The following POU2F3 variants were observed in gnomAD, a reference collection of about 807,000 sequenced individuals.
POU2F3 encodes the protein POU class 2 homeobox 3.
In POU2F3, 23 loss-of-function variants were observed where a neutral mutation model predicts 59.2. The observed-to-expected ratio is 0.39, with a 90% CI of 0.28 to 0.55. POU2F3 has a LOEUF of 0.55. POU2F3 is among the 20% of genes least tolerant of loss of function. The probability of loss-of-function intolerance (pLI) is 0.66; values close to 1 mark genes in which losing one functional copy is unlikely to be tolerated. For missense variants in POU2F3, 473 were observed against 544.5 expected (o/e 0.87, Z 1.31); for synonymous variants, 190 against 214.6 (o/e 0.89, Z 1.00).
At chr11:120,304,621 A>G (rs1301865091) in intron 6 of POU2F3, among the ~76,000 whole-genome samples, 1 of 152,020 alleles carries the variant, frequency 6.6e-6, no homozygotes, top group Admixed American at 6.6e-5. Flanking sequence ...ACAAAAAACA[A>G]AAAAACAAAG....
intron 2 of POU2F3, among the ~76,000 whole-genome samples, chr11:120,250,704 G>A (rs771459084): frequency 3.3e-5 from 5 of 152,148 alleles, no homozygotes; most frequent in African/African-American, 4.8e-5. Flanking sequence ...GTCTGGGCGC[G>A]GTGGCTCATG....
intron 10 of POU2F3, among the ~76,000 whole-genome samples, chr11:120,313,907 G>A (rs576261359): frequency 2.0e-5 from 3 of 152,066 alleles, no homozygotes; most frequent in Non-Finnish European, 4.4e-5. Context: ...CCAGCTACTC[G>A]GGAGATTGAG....
intron 3 of POU2F3, among the ~76,000 whole-genome samples, chr11:120,272,541 C>CCAACCTGTTTGCA (rs1940121609): frequency 1.3e-5 from 2 of 152,280 alleles, no homozygotes; most frequent in South Asian, 4.2e-4. Flanking sequence ...AACAGGGGAG[C>CCAACCTGTTTGCA]AGAGAAAGAG....
At position 120,299,733 on chromosome 11, in the gene POU2F3, AC is replaced by A; in HGVS notation, c.361+10del. 1 of 1,607,772 alleles carries A rather than the reference AC, an allele frequency of 6.2e-7. No individual in the cohort carries two copies. The highest frequency in any genetic ancestry group is 8.5e-7 in the Non-Finnish European group (1 of 1,178,144). On this transcript the variant is annotated splice_region_variant and intron_variant, in intron 5 of 12. Coordinates refer to ENST00000543440, the MANE Select transcript of POU2F3 (RefSeq NM_014352.4). ...ACCCAGCCTGGGCAGCAAGGTAAGA[AC>A]CCTGGGGGTTTCCACCTAGACCAAG...
intron 2 of POU2F3, among the ~76,000 whole-genome samples, chr11:120,253,956 C>T (rs946054934): frequency 1.3e-5 from 2 of 152,070 alleles, no homozygotes; most frequent in African/African-American, 2.4e-5. Flanking sequence ...CTTTGCTGAC[C>T]GGGGTGGCAT....
chr11:120,241,386 C>T lies in POU2F3; in HGVS notation c.28+1015C>T, dbSNP rs1391656055. ...AGAAGCAGAGCAGGCCTGAGGCCTA[C>T]CCAGCCTGAAAACAAGCGTCAGTGA... is the stretch of plus-strand genomic sequence containing the variant. On this transcript the variant is annotated intron_variant, in intron 1 of 12. Coordinates refer to ENST00000543440, the MANE Select transcript of POU2F3 (RefSeq NM_014352.4). Among the ~76,000 whole-genome samples, 6 of 152,170 alleles carry T rather than the reference C, an allele frequency of 3.9e-5. No homozygotes were observed. The South Asian group carries it at 1.2e-3, about 32-fold the overall frequency.
intron 2 of POU2F3, among the ~76,000 whole-genome samples, chr11:120,263,881 G>A (rs1467562465): frequency 6.6e-6 from 1 of 152,208 alleles, no homozygotes; most frequent in African/African-American, 2.4e-5. Flanking sequence ...TCTTAGGTCT[G>A]AATAGGAGGT....
intron 10 of POU2F3, among the ~76,000 whole-genome samples, chr11:120,314,017 C>CCAACAA (rs1042620516): frequency 6.6e-6 from 1 of 151,534 alleles, no homozygotes; most frequent in African/African-American, 2.4e-5. Flanking sequence ...CCATCTCAAA[C>CCAACAA]CAACAACAAC....
intron 12 of POU2F3, 42 bp downstream of exon 12, chr11:120,317,406 A>G (rs1359464959): frequency 1.2e-6 from 2 of 1,610,940 alleles, no homozygotes; most frequent in Non-Finnish European, 1.7e-6. Context: ...CAGCAGGGCC[A>G]AGGGACATGT....
intron 2 of POU2F3, among the ~76,000 whole-genome samples, chr11:120,252,846 C>T (rs1269558587): frequency 6.6e-6 from 1 of 152,144 alleles, no homozygotes; most frequent in East Asian, 1.9e-4. Flanking sequence ...TTGGCTAGCC[C>T]TGCCCGACAC....
intron 3 of POU2F3, among the ~76,000 whole-genome samples, chr11:120,281,816 C>G (rs1234512726): frequency 6.6e-6 from 1 of 152,094 alleles, no homozygotes; most frequent in East Asian, 1.9e-4. Flanking sequence ...TCTGTGTAAC[C>G]TGGTGACTTA....
At chr11:120,311,315 G>T (rs1211819834) in intron 10 of POU2F3, among the ~76,000 whole-genome samples, 1 of 152,172 alleles carries the variant, frequency 6.6e-6, no homozygotes, top group African/African-American at 2.4e-5. Flanking sequence ...GGCTTGAAAG[G>T]CCCAAGATGG....
intron 8 of POU2F3, among the ~76,000 whole-genome samples, chr11:120,306,898 G>A (rs1941507853): frequency 6.6e-6 from 1 of 152,200 alleles, no homozygotes; most frequent in South Asian, 2.1e-4. Context: ...AGGGCCCTGT[G>A]ACCATTCCTA....
At chr11:120,290,832 G>A (rs140991069) in intron 3 of POU2F3, among the ~76,000 whole-genome samples, 12 of 152,318 alleles carry the variant, frequency 7.9e-5, no homozygotes, top group South Asian at 2.1e-4. Flanking sequence ...GGGCACGCGC[G>A]TGCACGCGTG....
At chr11:120,277,976 T>C (rs1300571498) in intron 3 of POU2F3, among the ~76,000 whole-genome samples, 3 of 152,200 alleles carry the variant, frequency 2.0e-5, no homozygotes, top group African/African-American at 4.8e-5. Flanking sequence ...CAGGCTGATA[T>C]TGGTATGCTA....
In POU2F3 at chr11:120,285,947, A is replaced by G; in HGVS notation, c.133-12318A>G. On this transcript the variant is annotated intron_variant, in intron 3 of 12. Transcript: ENST00000543440. This position sits in a 1 kb window ranked among gnomAD's most constrained non-coding sequence, Gnocchi z 4.3. ...ACCCAGGCTGGAGTGCAGTGGTGCT[A>G]TCTCGGCTCACTGCAACCTCCGCCC... Among the ~76,000 whole-genome samples, 1 of 151,984 alleles carries G rather than the reference A, an allele frequency of 6.6e-6. No homozygotes were observed.
At chr11:120,250,703 C>T (rs1381951645) in intron 2 of POU2F3, among the ~76,000 whole-genome samples, 15 of 152,274 alleles carry the variant, frequency 9.9e-5, no homozygotes, top group Middle Eastern at 3.4e-3. Flanking sequence ...TGTCTGGGCG[C>T]GGTGGCTCAT....
At chr11:120,270,495 G>A (rs1940016687) in intron 3 of POU2F3, among the ~76,000 whole-genome samples, 1 of 152,190 alleles carries the variant, frequency 6.6e-6, no homozygotes, top group Admixed American at 6.5e-5. Flanking sequence ...GGATGAGTAG[G>A]AAGTTTTAGT....
chr11:120,279,231 G>A (rs1434508067), intron 3 of POU2F3, among the ~76,000 whole-genome samples: 2 of 152,060 alleles, frequency 1.3e-5, no homozygotes, highest in African/African-American at 4.8e-5. Context: ...CGTGTGATAT[G>A]GTGGTTGGGT....
Sources: allele counts gnomAD v4.1 joint callset (sites outside exome capture counted in the v4.1 genomes callset), GRCh38; gene constraint gnomAD v4.1.1; non-coding constraint Gnocchi (gnomAD v3.1); transcripts MANE v1.5; gene names NCBI Gene and HGNC (gene_info 2026-07-23, HGNC 2026-07-21).